AHI1: variants seen among roughly 807,000 people sequenced by gnomAD.
AHI1 encodes the protein Abelson helper integration site 1.
AHI1 carries 123 observed loss-of-function variants against 149.3 expected under a neutral mutation model. The observed-to-expected ratio is 0.82, with a 90% confidence interval of 0.71 to 0.96. AHI1 has a LOEUF of 0.96. Among genes scored for constraint, AHI1 ranks in the 40% least tolerant of loss-of-function variants. The probability of loss-of-function intolerance (pLI) is 0.00; values close to 1 mark genes in which losing one functional copy is unlikely to be tolerated. For missense variants in AHI1, 1,439 were observed against 1,422.7 expected (o/e 1.01, Z -0.18); for synonymous variants, 475 against 459.8 (o/e 1.03, Z -0.42).
chr6:135,442,770 A>T (rs1583254957), intron 13 of AHI1, 56 bp from the exon 14 acceptor site: 1 of 1,480,518 alleles, frequency 6.8e-7, no homozygotes, highest in East Asian at 2.4e-5. Context: ...CGCGAAGGCT[A>T]GTTTTTAATT....
intron 27 of AHI1, among the ~76,000 whole-genome samples, chr6:135,293,754 T>C (rs1782701823): frequency 6.6e-6 from 1 of 152,244 alleles, no homozygotes; most frequent in African/African-American, 2.4e-5. Flanking sequence ...TGCAAAGATA[T>C]ATCATGTTAA....
chr6:135,288,800 A>C (rs1431657561), intron 28 of AHI1, among the ~76,000 whole-genome samples: 1 of 151,990 alleles, frequency 6.6e-6, no homozygotes, highest in Non-Finnish European at 1.5e-5. Flanking sequence ...CTTGAAGTTG[A>C]ACTGTCAGGT....
chr6:135,433,070 A>G lies in AHI1; in HGVS notation c.2223T>C (p.Asp741=), dbSNP rs2273761. 34,121 of 1,613,536 alleles carry G rather than the reference A, an allele frequency of 0.021. 521 individuals are homozygous for G. The highest frequency in any genetic ancestry group is 0.044 in the East Asian group (1,980 of 44,804). Residue 741 remains aspartate, a synonymous_variant, in exon 16 of 29, where the codon GAT becomes GAC. Coordinates refer to ENST00000265602, the MANE Select transcript of AHI1 (RefSeq NM_001134831.2). ...GTGAGTTGATAAAACTTTTGTGAAC[A>G]TCAAACTGTCGGACCAATATGGCAG... ...EDSAILVRQF[D]VHKSFINSLC...
At chr6:135,337,951 T>C (rs956422454) in intron 24 of AHI1, among the ~76,000 whole-genome samples, 1 of 151,970 alleles carries the variant, frequency 6.6e-6, no homozygotes, top group Non-Finnish European at 1.5e-5. Flanking sequence ...ATTTGGTTTA[T>C]GGGGAAGAAG....
chr6:135,453,196 C>T (rs1014445288), intron 11 of AHI1, 145 bp downstream of exon 11: 61 of 701,878 alleles, frequency 8.7e-5, no homozygotes, highest in Non-Finnish European at 1.4e-4. Context: ...ATGAGCATAA[C>T]CTGAGCTTGA....
At chr6:135,452,858 T>C (rs994962791) in intron 11 of AHI1, among the ~76,000 whole-genome samples, 1 of 152,140 alleles carries the variant, frequency 6.6e-6, no homozygotes, top group Non-Finnish European at 1.5e-5. Context: ...TGGCAATGTG[T>C]CTCTTCCTCA....
chr6:135,466,122 C>T lies in AHI1; in HGVS notation c.441G>A (p.Glu147=), dbSNP rs1388174324. ...TTQDLKPETP[E]NKVDSTHQKT... is the part of the protein sequence containing the mutation. ...TCTGGTGTGTAGAATCAACCTTATT[C>T]TCAGGAGTTTCCGGTTTCAGGTCTT... The change falls in exon 7 of 29, where the codon GAG becomes GAA. Residue 147 remains glutamate, a synonymous_variant. Transcript: ENST00000265602. The T allele has an allele frequency of 3.7e-6, 6 of 1,613,750 alleles. No homozygotes were observed. Among genetic ancestry groups the T allele is most frequent in the African/African-American group, 1.3e-5 (1 of 74,910 alleles).
At chr6:135,327,301 C>T (rs1195610978) in intron 24 of AHI1, among the ~76,000 whole-genome samples, 5 of 152,178 alleles carry the variant, frequency 3.3e-5, no homozygotes, top group Non-Finnish European at 7.3e-5. Context: ...CAGCAACTTA[C>T]AGAACCGTTT....
chr6:135,480,984 G>C (rs1008266534), intron 5 of AHI1, among the ~76,000 whole-genome samples: 3 of 152,038 alleles, frequency 2.0e-5, no homozygotes, highest in African/African-American at 7.3e-5. Flanking sequence ...CATCCCCCCC[G>C]GCCCACTCCA....
rs1328476395 is a variant in AHI1 at position 135,302,718 on chromosome 6, C to T, written c.3427-2160G>A. ...TCCAAACACCTTTACTCACTCATTCCTTGGTCTCAGCAGCAGCACGTCATA... is the reference window on the plus strand; with the variant it reads ...TCCAAACACCTTTACTCACTCATTCTTTGGTCTCAGCAGCAGCACGTCATA... On this transcript the variant is annotated intron_variant, in intron 26 of 28. Coordinates refer to ENST00000265602, the MANE Select transcript of AHI1 (RefSeq NM_001134831.2). The T allele has an allele frequency of 3.0e-5, 38 of 1,264,136 alleles. 1 individual carries two copies. The South Asian group carries it at 4.6e-4, about 15-fold the overall frequency. The allele number at this position is 1,264,136 out of a possible 1,614,324, so 78.3% of individuals were successfully genotyped here.
In AHI1 at chr6:135,285,602, C is replaced by T. The variant is rs892893239; in HGVS notation, c.*43G>A. On this transcript the variant is annotated 3_prime_UTR_variant, in exon 29 of 29. Transcript: ENST00000265602. ...GAAATTCCATTTGGTTTGTCATTTT[C>T]ACCTCTGTGCATTTCGGCAGCTCTT... 3.1e-6 allele frequency: 5 copies of T among 1,602,254 alleles called. No homozygotes were observed. Among genetic ancestry groups the T allele is most frequent in the Non-Finnish European group, 4.3e-6 (5 of 1,171,998 alleles).
At chr6:135,388,166 A>T in intron 23 of AHI1, 3 of 962,178 alleles carry the variant, frequency 3.1e-6, no homozygotes, top group Non-Finnish European at 4.6e-6. Context: ...ATTAATCTAC[A>T]ATAGTGAATT....
At chr6:135,460,223 T>C (rs969475968) in intron 8 of AHI1, among the ~76,000 whole-genome samples, 6 of 152,148 alleles carry the variant, frequency 3.9e-5, no homozygotes, top group Admixed American at 3.9e-4. Context: ...TAAGTGAATT[T>C]AGCAAATCAA....
intron 27 of AHI1, among the ~76,000 whole-genome samples, chr6:135,291,676 G>C (rs886201367): frequency 1.3e-5 from 2 of 152,170 alleles, no homozygotes; most frequent in Admixed American, 1.3e-4. Flanking sequence ...GAAGAAATGT[G>C]TAAGTAAGTG....
chr6:135,449,037 A>G (rs1787688568), intron 11 of AHI1, among the ~76,000 whole-genome samples: 3 of 152,264 alleles, frequency 2.0e-5, no homozygotes, highest in African/African-American at 7.2e-5. Context: ...ATTTAAGCTA[A>G]CTAAATGGAG....
At chr6:135,442,754 T>A (rs748659454) in intron 13 of AHI1, 40 bp from the exon 14 acceptor site, 2 of 1,548,106 alleles carry the variant, frequency 1.3e-6, no homozygotes, top group African/African-American at 2.7e-5. Flanking sequence ...TTAGCAAACA[T>A]TAAAACGCGA....
chr6:135,401,157 C>A (rs933427890), intron 22 of AHI1, among the ~76,000 whole-genome samples: 19 of 152,302 alleles, frequency 1.2e-4, no homozygotes, highest in Admixed American at 1.2e-3. Context: ...ACATGACTAG[C>A]TCCTTGTTAA....
At chr6:135,311,862 G>A (rs995410700) in intron 26 of AHI1, among the ~76,000 whole-genome samples, 1 of 152,168 alleles carries the variant, frequency 6.6e-6, no homozygotes, top group African/African-American at 2.4e-5. Context: ...TGTGGTATAA[G>A]TTGTTACTGA....
chr6:135,452,225 A>G (rs539641037), intron 11 of AHI1, among the ~76,000 whole-genome samples: 1 of 152,268 alleles, frequency 6.6e-6, no homozygotes, highest in East Asian at 1.9e-4. Flanking sequence ...TTTATAGATC[A>G]TATTTGTTGA....
Sources: allele counts gnomAD v4.1 joint callset (sites outside exome capture counted in the v4.1 genomes callset), GRCh38; gene constraint gnomAD v4.1.1; transcripts MANE v1.5; gene names NCBI Gene and HGNC (gene_info 2026-07-23, HGNC 2026-07-21).